SLC15A1: variants seen among roughly 807,000 people sequenced by gnomAD.
The protein encoded by SLC15A1 is Caco-2 oligopeptide transporter.
Under a neutral mutation model 92.9 loss-of-function variants are expected in SLC15A1, and 83 were observed. The ratio of observed to expected loss-of-function variants is 0.89; its 90% CI spans 0.75 to 1.07. The LOEUF is 1.07. SLC15A1 is among the 50% of genes least tolerant of loss of function. SLC15A1 has a pLI of 0.00. For synonymous variants in SLC15A1, 322 were observed against 318.2 expected, an observed-to-expected ratio of 1.01 and a Z score of -0.13; for missense variants, 857 against 880.1, an observed-to-expected ratio of 0.97 and a Z score of 0.33.
chr13:98,730,637 G>T (rs2088343294), intron 1 of SLC15A1, among the ~76,000 whole-genome samples: 1 of 152,264 alleles, frequency 6.6e-6, no homozygotes, highest in South Asian at 2.1e-4. Flanking sequence ...GAAGAGTCCT[G>T]CGAACCCCAC....
intron 20 of SLC15A1, 71 bp from the exon 21 acceptor site, chr13:98,687,795 T>C (rs1566441603): frequency 1.9e-6 from 3 of 1,559,404 alleles, no homozygotes; most frequent in Non-Finnish European, 8.7e-7. Context: ...AACAGGTAAA[T>C]TGAGTTTGAC....
intron 8 of SLC15A1, among the ~76,000 whole-genome samples, chr13:98,717,702 G>A (rs1288087221): frequency 6.6e-6 from 1 of 152,102 alleles, no homozygotes; most frequent in Non-Finnish European, 1.5e-5. Context: ...AAATGAAAGG[G>A]GAAAGCTAAA....
chr13:98,713,612 C>T (rs74946624), intron 9 of SLC15A1, among the ~76,000 whole-genome samples: 1,623 of 152,206 alleles, frequency 0.011, 35 homozygotes, highest in African/African-American at 0.037. Context: ...TACGATGGCC[C>T]ACCCATCATA....
In SLC15A1 at chr13:98,686,130, C is replaced by T. The variant is rs1375716440; in HGVS notation, c.1935+60G>A. The T allele has an allele frequency of 3.2e-6, 4 of 1,264,206 alleles. No individual in the cohort carries two copies. The African/African-American group carries it at 5.9e-5, about 19-fold the overall frequency. 78.3% of individuals were successfully genotyped at this position (1,264,206 alleles called of 1,614,324 possible). The stretch of plus-strand genomic sequence containing the variant: ...GCACACAGATGGCTAGGGAAGGCCA[C>T]CATGATGACCATGAACAGGAAAGAC... On this transcript the variant is annotated intron_variant, in intron 22 of 22. Coordinates refer to ENST00000376503, the MANE Select transcript of SLC15A1 (RefSeq NM_005073.4).
At chr13:98,744,484 C>G (rs1184299035) in intron 1 of SLC15A1, among the ~76,000 whole-genome samples, 1 of 151,856 alleles carries the variant, frequency 6.6e-6, no homozygotes, top group African/African-American at 2.4e-5. Context: ...GGTGCGGTGG[C>G]TCACGCCTGT....
In SLC15A1 at chr13:98,751,220, A is replaced by G. The variant is rs143433422; in HGVS notation, c.4+1375T>C. Among the ~76,000 whole-genome samples the G allele has an allele frequency of 9.8e-3, 1,498 of 152,290 alleles. 32 individuals carry two copies. The highest frequency in any genetic ancestry group is 0.035 in the African/African-American group (1,440 of 41,564). ...ACTTTTTTGTTGCTATTCACATGCT[A>G]TGTCAATCTCAGTTGCAAACAGAGA... is the stretch of plus-strand genomic sequence containing the variant. On this transcript the variant is annotated intron_variant, in intron 1 of 22. Transcript: ENST00000376503.
intron 1 of SLC15A1, among the ~76,000 whole-genome samples, chr13:98,733,233 C>T (rs986640143): frequency 1.3e-5 from 2 of 152,170 alleles, no homozygotes; most frequent in Non-Finnish European, 2.9e-5. Context: ...CAAGAAGACA[C>T]CTGTGTGAAG....
At chr13:98,747,856 G>C (rs1452774061) in intron 1 of SLC15A1, among the ~76,000 whole-genome samples, 1 of 152,170 alleles carries the variant, frequency 6.6e-6, no homozygotes, top group African/African-American at 2.4e-5. Flanking sequence ...ACTCCAGCCT[G>C]GTTGACAGAG....
intron 1 of SLC15A1, among the ~76,000 whole-genome samples, chr13:98,750,675 G>A (rs947147616): frequency 6.6e-6 from 1 of 151,864 alleles, no homozygotes; most frequent in African/African-American, 2.4e-5. Flanking sequence ...TGCCTCGTTC[G>A]CCAACTGCTT....
chr13:98,700,030 G>A (rs9517409), intron 18 of SLC15A1, among the ~76,000 whole-genome samples: 57,752 of 152,116 alleles, frequency 0.38, 13,773 homozygotes, highest in Non-Finnish European at 0.54. Context: ...GTTGCACACT[G>A]TATAATTCTA....
chr13:98,738,351 C>T (rs181073229), intron 1 of SLC15A1, among the ~76,000 whole-genome samples: 16 of 152,360 alleles, frequency 1.1e-4, no homozygotes, highest in African/African-American at 2.9e-4. Flanking sequence ...AGTGCTAACA[C>T]TCAAGACAAT....
intron 1 of SLC15A1, among the ~76,000 whole-genome samples, chr13:98,733,588 G>T (rs2088366755): frequency 6.6e-6 from 1 of 152,204 alleles, no homozygotes; most frequent in African/African-American, 2.4e-5. Flanking sequence ...GAAGCCAATG[G>T]TCCCTGCAAG....
chr13:98,710,787 A>G (rs9517414), intron 11 of SLC15A1, among the ~76,000 whole-genome samples: 66,913 of 139,294 alleles, frequency 0.48, 16,808 homozygotes, highest in Non-Finnish European at 0.55. Flanking sequence ...CAGCTTGGGC[A>G]ACAGAGTGAG....
intron 16 of SLC15A1, 118 bp from the exon 17 acceptor site, chr13:98,704,553 C>CA (rs1427415043): frequency 4.8e-6 from 5 of 1,050,570 alleles, no homozygotes; most frequent in South Asian, 1.7e-5. Flanking sequence ...TCATAGATAC[C>CA]AAAAAAATGC....
At chr13:98,686,026 T>C (rs1421279672) in intron 22 of SLC15A1, among the ~76,000 whole-genome samples, 164 bp downstream of exon 22, 4 of 151,632 alleles carry the variant, frequency 2.6e-5, no homozygotes, top group African/African-American at 7.3e-5. Context: ...CAGCAGACAC[T>C]TTGCCATAAG....
chr13:98,718,441 TC>T (rs2088229019), intron 8 of SLC15A1, among the ~76,000 whole-genome samples: 2 of 150,172 alleles, frequency 1.3e-5, no homozygotes, highest in South Asian at 4.3e-4. Context: ...CACTTAAGCT[TC>T]CAGAGGAGCT....
In SLC15A1 at chr13:98,716,225, C is replaced by T. The variant is rs1016228170; in HGVS notation, c.641-265G>A. Among the ~76,000 whole-genome samples the T allele has an allele frequency of 1.1e-4, 16 of 152,134 alleles. No homozygotes were observed. In the East Asian group the frequency reaches 1.2e-3, roughly 11 times the overall value. ...ACTTCCCATAGCTTAAGGTAGCTCACGTACACTCACACAGCTATTTAAGCA... is the reference window on the plus strand; with the variant it reads ...ACTTCCCATAGCTTAAGGTAGCTCATGTACACTCACACAGCTATTTAAGCA... On this transcript the variant is annotated intron_variant, in intron 8 of 22. Coordinates refer to ENST00000376503, the MANE Select transcript of SLC15A1 (RefSeq NM_005073.4).
chr13:98,710,926 G>A (rs2139581769), intron 11 of SLC15A1, among the ~76,000 whole-genome samples: 1 of 152,042 alleles, frequency 6.6e-6, no homozygotes, highest in Non-Finnish European at 1.5e-5. Flanking sequence ...TGCGGAGGGT[G>A]ATTAGCACCC....
At chr13:98,726,661 T>A in intron 2 of SLC15A1, 182 bp downstream of exon 2, 1 of 748,072 alleles carries the variant, frequency 1.3e-6, no homozygotes, top group Non-Finnish European at 2.3e-6. Flanking sequence ...AGTGGTATTG[T>A]TAGTCTGAGG....
Sources: gnomAD v4.1 joint callset for allele counts (sites outside exome capture counted in the v4.1 genomes callset) on GRCh38, gnomAD v4.1.1 for gene constraint, MANE v1.5 for transcripts, NCBI Gene and HGNC (gene_info 2026-07-23, HGNC 2026-07-21) for gene names.